Variants in ANKS1A observed in about 807,000 individuals in gnomAD.
The protein encoded by ANKS1A is ankyrin repeat and SAM domain-containing protein 1A.
In ANKS1A, 55 loss-of-function variants were observed where a neutral mutation model predicts 120.3. That is an observed-to-expected ratio of 0.46 (90% CI 0.37 to 0.57). The LOEUF (loss-of-function observed/expected upper bound fraction) is 0.57, where lower values mean the gene tolerates loss of function less well. ANKS1A is among the 20% of genes least tolerant of loss of function. The pLI is 0.00. For missense variants in ANKS1A, 1,123 were observed against 1,480.3 expected (o/e 0.76, Z 3.96); for synonymous variants, 590 against 604.7 (o/e 0.98, Z 0.36).
Position 34,985,145 on chromosome 6 carries a change from G to T in ANKS1A, c.1076G>T (p.Gly359Val), listed in dbSNP as rs777225769. The part of the protein sequence containing the change: ...IDFDANAEEE[G>V]PYEALYNAIS... Reference sequence around the variant, plus strand: ...TTTGATGCAAATGCTGAAGAAGAGGGTCCCTACGAAGCTCTGTATAATGCC... The same window carrying T: ...TTTGATGCAAATGCTGAAGAAGAGGTTCCCTACGAAGCTCTGTATAATGCC... Residue 359 changes from glycine to valine, a missense_variant, in exon 8 of 24, where the codon GGT becomes GTT. This residue lies in a region of ANKS1A where 904 missense variants were observed against 1,130.4 expected (regional missense o/e 0.80). Transcript: ENST00000360359. 49 of 1,614,044 alleles carry T rather than the reference G, an allele frequency of 3.0e-5. No homozygotes were observed. In the East Asian group the frequency reaches 9.6e-4, roughly 32 times the overall value.
chr6:35,090,218 C>T lies in ANKS1A; in HGVS notation c.*1609C>T, dbSNP rs1778225544. On this transcript the variant is annotated 3_prime_UTR_variant, in exon 24 of 24. Transcript: ENST00000360359. ...CCTTGCAGTTTTACTTCATTTCCTG[C>T]CCCTTTCAGGGCCTGTGAGGATGCC... 1.6e-6 allele frequency: 2 copies of T among 1,289,474 alleles called. No individual in the cohort carries two copies. The highest frequency in any genetic ancestry group is 2.0e-6 in the Non-Finnish European group (2 of 988,902). The allele number at this position is 1,289,474 out of a possible 1,614,324, so 79.9% of individuals were successfully genotyped here.
intron 10 of ANKS1A, among the ~76,000 whole-genome samples, chr6:35,015,358 G>A (rs1773945204): frequency 6.6e-6 from 1 of 152,176 alleles, no homozygotes. Flanking sequence ...AATTAGCTGG[G>A]CGTGGTGGCA....
At chr6:34,924,650 C>T (rs189428514) in intron 1 of ANKS1A, among the ~76,000 whole-genome samples, 1 of 152,238 alleles carries the variant, frequency 6.6e-6, no homozygotes, top group East Asian at 1.9e-4. Flanking sequence ...GAGGAAGAGA[C>T]AAAATGACTG....
At chr6:35,001,719 T>C (rs949153127) in intron 10 of ANKS1A, among the ~76,000 whole-genome samples, 1 of 152,196 alleles carries the variant, frequency 6.6e-6, no homozygotes, top group African/African-American at 2.4e-5. Flanking sequence ...AGCGGATGTG[T>C]GGTGGTATTG....
At chr6:35,064,096 C>T (rs1217127639) in intron 13 of ANKS1A, among the ~76,000 whole-genome samples, 1 of 152,168 alleles carries the variant, frequency 6.6e-6, no homozygotes, top group Non-Finnish European at 1.5e-5. Context: ...GGCCTGACCT[C>T]AGGGCTCTCG....
At chr6:35,045,537 C>A (rs1775677171) in intron 11 of ANKS1A, among the ~76,000 whole-genome samples, 1 of 152,240 alleles carries the variant, frequency 6.6e-6, no homozygotes, top group Non-Finnish European at 1.5e-5. Flanking sequence ...CCCCTACACA[C>A]TGCCTTTCCA....
chr6:35,031,463 G>T (rs1335771607), intron 11 of ANKS1A, among the ~76,000 whole-genome samples: 1 of 152,152 alleles, frequency 6.6e-6, no homozygotes, highest in East Asian at 1.9e-4. Context: ...AGCCTATGTT[G>T]TCTAAATGAC....
At chr6:34,899,904 T>C (rs1230975204) in intron 1 of ANKS1A, among the ~76,000 whole-genome samples, 2 of 152,242 alleles carry the variant, frequency 1.3e-5, no homozygotes, top group Non-Finnish European at 2.9e-5. Flanking sequence ...CAAACTTCAA[T>C]GCAAAGTCCA....
chr6:35,075,860 C>A (rs1221886073), intron 13 of ANKS1A, among the ~76,000 whole-genome samples: 1 of 152,220 alleles, frequency 6.6e-6, no homozygotes, highest in Non-Finnish European at 1.5e-5. Context: ...CTCCCAGGCT[C>A]AAGTGTTCCT....
intron 10 of ANKS1A, among the ~76,000 whole-genome samples, chr6:34,994,664 C>T (rs1772756367): frequency 6.6e-6 from 1 of 152,158 alleles, no homozygotes; most frequent in Non-Finnish European, 1.5e-5. Flanking sequence ...TTAGGTCAGA[C>T]TAGGTGCTAA....
intron 10 of ANKS1A, among the ~76,000 whole-genome samples, chr6:35,008,233 T>C (rs1281922657): frequency 4.1e-5 from 2 of 49,338 alleles, no homozygotes; most frequent in African/African-American, 8.4e-5. Context: ...TTTTTTTAAA[T>C]AGACGGGGTC....
At chr6:34,953,396 T>A (rs1770186980) in intron 1 of ANKS1A, among the ~76,000 whole-genome samples, 1 of 152,066 alleles carries the variant, frequency 6.6e-6, no homozygotes, top group Non-Finnish European at 1.5e-5. Flanking sequence ...AAAGGCAAGA[T>A]GGGATGGGGG....
chr6:34,982,733 G>C lies in ANKS1A; in HGVS notation c.733-19G>C. On this transcript the variant is annotated intron_variant, in intron 4 of 23. Coordinates refer to ENST00000360359, the MANE Select transcript of ANKS1A (RefSeq NM_015245.3). This position sits in a 1 kb window ranked among gnomAD's most constrained non-coding sequence, Gnocchi z 4.9. Reference sequence around the variant, plus strand: ...CTGTTCTGATGACATCCCGCTCTGCGCTCTCGTTTGCTTTCCAGACGGAGA... The same window carrying C: ...CTGTTCTGATGACATCCCGCTCTGCCCTCTCGTTTGCTTTCCAGACGGAGA... 1 of 1,614,138 alleles carries C rather than the reference G, an allele frequency of 6.2e-7. No homozygotes were observed. Among genetic ancestry groups the C allele is most frequent in the Non-Finnish European group, 8.5e-7 (1 of 1,179,966 alleles).
At chr6:35,083,918 AGTT>A (rs1207000189) in intron 20 of ANKS1A, among the ~76,000 whole-genome samples, 200 bp from the exon 21 acceptor site, 3 of 152,154 alleles carry the variant, frequency 2.0e-5, no homozygotes, top group Non-Finnish European at 4.4e-5. Context: ...TTACTGCCTT[AGTT>A]GTTGTGGTAA....
chr6:35,064,816 C>T (rs1408903506), intron 13 of ANKS1A, among the ~76,000 whole-genome samples: 13 of 152,020 alleles, frequency 8.6e-5, no homozygotes, highest in Non-Finnish European at 1.9e-4. Context: ...CGTCCCATCT[C>T]CCTGCACAGC....
chr6:34,945,065 A>G (rs1769721690), intron 1 of ANKS1A, among the ~76,000 whole-genome samples: 1 of 152,086 alleles, frequency 6.6e-6, no homozygotes, highest in Non-Finnish European at 1.5e-5. Flanking sequence ...ATTAAGATCT[A>G]TGATCTATTT....
intron 10 of ANKS1A, among the ~76,000 whole-genome samples, chr6:35,007,004 A>C (rs1006488878): frequency 5.9e-5 from 9 of 152,176 alleles, no homozygotes; most frequent in African/African-American, 1.7e-4. Context: ...GAAAAAAGAC[A>C]AAAAAGAATA....
At chr6:34,983,033 TAAATGTCCTA>T in intron 5 of ANKS1A, 70 bp from the exon 6 acceptor site, 1 of 1,423,110 alleles carries the variant, frequency 7.0e-7, no homozygotes, top group East Asian at 2.3e-5. Flanking sequence ...CTGACAGCCT[TAAATGTCCTA>T]AAATTTGACC....
At chr6:34,901,119 G>T (rs1053447288) in intron 1 of ANKS1A, among the ~76,000 whole-genome samples, 1 of 152,030 alleles carries the variant, frequency 6.6e-6, no homozygotes, top group Non-Finnish European at 1.5e-5. Flanking sequence ...TACATAAACT[G>T]CCAGATGCAC....
Sources: gnomAD v4.1 joint callset for allele counts (sites outside exome capture counted in the v4.1 genomes callset) on GRCh38, gnomAD v4.1.1 for gene constraint, gnomAD v4.1.1 regional missense constraint, Gnocchi (gnomAD v3.1) non-coding constraint, MANE v1.5 for transcripts, NCBI Gene and HGNC (gene_info 2026-07-23, HGNC 2026-07-21) for gene names.